Variants in MKNK1 observed in about 807,000 individuals in gnomAD.
MKNK1 encodes the protein MAP kinase-interacting serine/threonine-protein kinase 1.
A neutral mutation model predicts 49.3 loss-of-function variants in MKNK1; 30 were observed. The ratio of observed to expected loss-of-function variants is 0.61; its 90% CI spans 0.46 to 0.83. The LOEUF is 0.83. Ranked by LOEUF, MKNK1 falls within the 40% of genes least tolerant of loss-of-function variation. MKNK1 has a pLI of 0.00. For missense variants in MKNK1, 423 were observed against 524.7 expected (o/e 0.81, Z 1.89); for synonymous variants, 176 against 201.7 (o/e 0.87, Z 1.08).
At chr1:46,574,905 G>C in intron 6 of MKNK1, 42 bp downstream of exon 6, 1 of 1,302,124 alleles carries the variant, frequency 7.7e-7, no homozygotes, top group South Asian at 1.2e-5. Flanking sequence ...CACCACCCTG[G>C]GTCTTAATCA....
intron 2 of MKNK1, chr1:46,584,745 T>TA (rs1557874937): frequency 2.0e-5 from 3 of 152,212 alleles, no homozygotes; most frequent in African/African-American, 7.2e-5. Flanking sequence ...AAAGCATGGT[T>TA]ACGCAGCCAA....
chr1:46,594,392 T>C (rs987216424), intron 1 of MKNK1, 112 bp from the exon 2 acceptor site: 8 of 553,046 alleles, frequency 1.4e-5, no homozygotes, highest in East Asian at 9.3e-5. Flanking sequence ...CCCCACTAAG[T>C]AGATATACAC....
At chr1:46,592,434 AC>A (rs1557889328) in intron 2 of MKNK1, among the ~76,000 whole-genome samples, 2 of 152,134 alleles carry the variant, frequency 1.3e-5, no homozygotes, top group Non-Finnish European at 2.9e-5. Flanking sequence ...AGTTTTGGGG[AC>A]CCCCATGGTC....
rs1374937533 is a variant in MKNK1 at position 46,564,475 on chromosome 1, T to TTTTG, written c.609+565_609+566insCAAA. Among the ~76,000 whole-genome samples the TTTTG allele has an allele frequency of 1.8e-4, 7 of 37,996 alleles. No homozygotes were observed. The South Asian group carries it at 8.1e-3, about 44-fold the overall frequency. 24.9% of individuals were successfully genotyped at this position (37,996 alleles called of 152,430 possible). On this transcript the variant is annotated intron_variant, in intron 9 of 12. Coordinates refer to ENST00000371945, the MANE Select transcript of MKNK1 (RefSeq NM_001135553.4). The stretch of plus-strand genomic sequence containing the variant: ...CTGTGTTTTTTTTATTGTTTTTTTT[T>TTTTG]TTTTTTTTTTTTTTTTTTGAGACGG...
At chr1:46,590,440 TTACATA>T (rs1673172897) in intron 2 of MKNK1, among the ~76,000 whole-genome samples, 1 of 152,208 alleles carries the variant, frequency 6.6e-6, no homozygotes, top group Non-Finnish European at 1.5e-5. Flanking sequence ...ACGCTACACT[TTACATA>T]TACTAACTTA....
chr1:46,598,409 G>A (rs1420083071), intron 1 of MKNK1, among the ~76,000 whole-genome samples: 1 of 152,074 alleles, frequency 6.6e-6, no homozygotes, highest in African/African-American at 2.4e-5. Flanking sequence ...GCAACCATGT[G>A]CTGGAACAAT....
At chr1:46,587,280 C>T (rs938607147) in intron 2 of MKNK1, among the ~76,000 whole-genome samples, 8 of 152,218 alleles carry the variant, frequency 5.3e-5, no homozygotes, top group South Asian at 2.1e-4. Context: ...CTCTTGGGAA[C>T]GGCTCGGCGG....
rs751116272 is a variant in MKNK1 at position 46,565,075 on chromosome 1, C to T, written c.575G>A (p.Cys192Tyr). 3.7e-6 allele frequency: 6 copies of T among 1,614,138 alleles called. No homozygotes were observed. Among genetic ancestry groups the T allele is most frequent in the Non-Finnish European group, 5.1e-6 (6 of 1,180,028 alleles). Residue 192 changes from cysteine (C) to tyrosine (Y), a missense_variant, in exon 9 of 13, where the codon TGT becomes TAT. Cys to Tyr is a radical substitution (Grantham distance 194). Transcript: ENST00000371945. Reference sequence around the variant, plus strand: ...CAGCTCTGGTGTGGTTATGGGGGTACAGGAGTTGTTCAGTTTCATCCCACT... The same window carrying T: ...CAGCTCTGGTGTGGTTATGGGGGTATAGGAGTTGTTCAGTTTCATCCCACT... ...LGSGMKLNNS[C>Y]TPITTPELTT...
At chr1:46,600,906 G>A (rs1408525782) in intron 1 of MKNK1, among the ~76,000 whole-genome samples, 1 of 151,986 alleles carries the variant, frequency 6.6e-6, no homozygotes, top group African/African-American at 2.4e-5. Context: ...ACTACTGACT[G>A]ATTCCTTGTG....
chr1:46,565,281 C>G (rs1353308144), intron 8 of MKNK1, 145 bp from the exon 9 acceptor site: 2 of 707,582 alleles, frequency 2.8e-6, no homozygotes, highest in Non-Finnish European at 5.1e-6. Flanking sequence ...CGGAGGTTAA[C>G]AAGAAGTCCC....
chr1:46,576,832 C>T (rs1221352075), intron 4 of MKNK1, among the ~76,000 whole-genome samples, 178 bp from the exon 5 acceptor site: 1 of 152,214 alleles, frequency 6.6e-6, no homozygotes, highest in Middle Eastern at 3.2e-3. Context: ...AGCAGACTGG[C>T]CTCAGGGCTT....
intron 1 of MKNK1, among the ~76,000 whole-genome samples, chr1:46,603,142 T>G (rs916028267): frequency 2.6e-5 from 4 of 152,210 alleles, no homozygotes; most frequent in Admixed American, 2.6e-4. Flanking sequence ...AACCCAACCC[T>G]GGATTTCCTC....
intron 1 of MKNK1, among the ~76,000 whole-genome samples, chr1:46,603,955 G>A (rs578149311): frequency 6.6e-6 from 1 of 152,194 alleles, no homozygotes; most frequent in Non-Finnish European, 1.5e-5. Flanking sequence ...GGGCCACAGA[G>A]TAAGCGCCAT....
chr1:46,561,958 C>A (rs1668060519), intron 10 of MKNK1, among the ~76,000 whole-genome samples: 1 of 152,168 alleles, frequency 6.6e-6, no homozygotes, highest in Non-Finnish European at 1.5e-5. Flanking sequence ...CCTCTCAGGC[C>A]TCATCTCCCA....
rs75989208 is a variant in MKNK1, at chr1:46,589,562, T to C, written c.-3+4551A>G. Among the ~76,000 whole-genome samples the C allele has an allele frequency of 6.4e-3, 971 of 152,364 alleles. 17 individuals are homozygous for C. Among genetic ancestry groups the C allele is most frequent in the African/African-American group, 0.022 (921 of 41,584 alleles). ...TTAAAATAGGAATGCATGTTTCGTC[T>C]CTTTGTAAAACCTGTGAGTGAACGA... On this transcript the variant is annotated intron_variant, in intron 2 of 12. Coordinates refer to ENST00000371945, the MANE Select transcript of MKNK1 (RefSeq NM_001135553.4). This position sits in a 1 kb window ranked among gnomAD's most constrained non-coding sequence, Gnocchi z 4.3.
rs1668241639 is a variant in MKNK1 at position 46,562,679 on chromosome 1, C to T, written c.774G>A (p.Trp258Ter). The change falls in exon 10 of 13, where the codon TGG (tryptophan) becomes TGA (stop). Residue 258 changes from tryptophan to a stop codon, truncating the protein, a stop_gained. Coordinates refer to ENST00000371945, the MANE Select transcript of MKNK1 (RefSeq NM_001135553.4). LOFTEE classifies it high-confidence loss of function. ...FVGHCGADCG[W>*]DRGEVCRVCQ... ...ACACCCTGCAGACCTCGCCCCGGTC[C>T]CAGCCACAGTCGGCCCCGCAGTGAC... 7 of 1,561,784 alleles carry T rather than the reference C, an allele frequency of 4.5e-6. No individual in the cohort carries two copies. Among genetic ancestry groups the T allele is most frequent in the South Asian group, 2.4e-5 (2 of 85,104 alleles).
At chr1:46,592,875 C>T (rs911347889) in intron 2 of MKNK1, among the ~76,000 whole-genome samples, 1 of 152,030 alleles carries the variant, frequency 6.6e-6, no homozygotes, top group Admixed American at 6.6e-5. Flanking sequence ...GTCAGGTCAC[C>T]ATAACAACAG....
chr1:46,586,873 G>A lies in MKNK1; in HGVS notation c.-2-3544C>T, dbSNP rs144683365. On this transcript the variant is annotated intron_variant, in intron 2 of 12. Coordinates refer to ENST00000371945, the MANE Select transcript of MKNK1 (RefSeq NM_001135553.4). Reference sequence around the variant, plus strand: ...GTCACCCAAGCTGGAATGCAGTGGAGTGCAGCTCAGTACAACCTCTGCCTC... The same window carrying A: ...GTCACCCAAGCTGGAATGCAGTGGAATGCAGCTCAGTACAACCTCTGCCTC... Among the ~76,000 whole-genome samples the A allele has an allele frequency of 1.5e-4, 23 of 152,276 alleles. No individual in the cohort carries two copies. In the East Asian group the frequency reaches 2.5e-3, roughly 17 times the overall value.
At chr1:46,582,809 C>A in intron 3 of MKNK1, 1 of 458,136 alleles carries the variant, frequency 2.2e-6, no homozygotes, top group Admixed American at 2.4e-5. Context: ...AAATTCTCTG[C>A]TTACAGGAGA....
Sources: gnomAD v4.1 joint callset for allele counts (sites outside exome capture counted in the v4.1 genomes callset) on GRCh38, gnomAD v4.1.1 for gene constraint, Gnocchi (gnomAD v3.1) non-coding constraint, MANE v1.5 for transcripts, NCBI Gene and HGNC (gene_info 2026-07-23, HGNC 2026-07-21) for gene names.